Variants in RAP1GAP2 observed in about 807,000 individuals in gnomAD.
RAP1GAP2 encodes RAP1 GTPase activating protein 2.
In RAP1GAP2, 27 loss-of-function variants were observed where a neutral mutation model predicts 95.0. The observed-to-expected ratio is 0.28, with a 90% CI of 0.21 to 0.39. The LOEUF is 0.39. Among genes scored for constraint, RAP1GAP2 ranks in the 10% least tolerant of loss-of-function variants. The pLI, the probability that RAP1GAP2 is intolerant of heterozygous loss-of-function variation, is 1.00. For synonymous variants in RAP1GAP2, 373 were observed against 380.9 expected (o/e 0.98, Z 0.24); for missense variants, 771 against 970.0 (o/e 0.79, Z 2.72).
At chr17:2,811,498 T>G (rs562021554) in intron 2 of RAP1GAP2, among the ~76,000 whole-genome samples, 4 of 152,242 alleles carry the variant, frequency 2.6e-5, no homozygotes, top group Non-Finnish European at 5.9e-5. Context: ...TCTTGGGCAC[T>G]GCAAGAATGC....
At chr17:2,949,068 GGCTGTTTCT>G (rs1480895204) in intron 3 of RAP1GAP2, among the ~76,000 whole-genome samples, 27 of 152,204 alleles carry the variant, frequency 1.8e-4, no homozygotes, top group Non-Finnish European at 4.4e-5. Context: ...AGGAAGACCA[GGCTGTTTCT>G]GTATCGGGAG....
chr17:2,799,476 C>T (rs772549731), intron 1 of RAP1GAP2, among the ~76,000 whole-genome samples: 3 of 152,184 alleles, frequency 2.0e-5, no homozygotes, highest in Non-Finnish European at 4.4e-5. Context: ...GTCCTCTCCT[C>T]TTCCCTGGAG....
At chr17:2,898,078 C>T (rs1452811018) in intron 2 of RAP1GAP2, among the ~76,000 whole-genome samples, 2 of 151,950 alleles carry the variant, frequency 1.3e-5, no homozygotes, top group East Asian at 1.9e-4. Flanking sequence ...GCACCTGGCT[C>T]ATTTTTAAAT....
At chr17:2,928,005 G>T (rs1567788402) in intron 3 of RAP1GAP2, among the ~76,000 whole-genome samples, 1 of 152,148 alleles carries the variant, frequency 6.6e-6, no homozygotes, top group African/African-American at 2.4e-5. Context: ...TAGCACACAC[G>T]CTGCAGCCTA....
At chr17:2,910,482 A>G (rs59050358) in intron 3 of RAP1GAP2, among the ~76,000 whole-genome samples, 5,978 of 152,192 alleles carry the variant, frequency 0.039, 368 homozygotes, top group African/African-American at 0.13. Flanking sequence ...GGGTTCATGA[A>G]TCAGTTCTCT....
At position 2,903,736 on chromosome 17, in the gene RAP1GAP2, G is replaced by C. The variant is rs57879269; in HGVS notation, c.81-1548G>C. On this transcript the variant is annotated intron_variant, in intron 2 of 24. Coordinates refer to ENST00000254695, the MANE Select transcript of RAP1GAP2 (RefSeq NM_015085.5). The surrounding 1 kb of genome is among the most constrained non-coding windows in gnomAD (Gnocchi z 4.1). ...AGGTAGTCCCCAGGCCCCTGATGTGGCTCCCTAGTTGGCCACAGGGAGGGC... is the reference window on the plus strand; with the variant it reads ...AGGTAGTCCCCAGGCCCCTGATGTGCCTCCCTAGTTGGCCACAGGGAGGGC... Among the ~76,000 whole-genome samples the C allele has an allele frequency of 0.016, 2,238 of 141,420 alleles. 51 individuals carry two copies. The highest frequency in any genetic ancestry group is 0.051 in the African/African-American group (2,046 of 39,744). 92.8% of individuals were successfully genotyped at this position (141,420 alleles called of 152,430 possible). A position where few individuals can be genotyped will look rare whatever the true frequency, so the allele number is the denominator to read the frequency against.
At chr17:2,900,088 C>T (rs986686065) in intron 2 of RAP1GAP2, among the ~76,000 whole-genome samples, 3 of 151,976 alleles carry the variant, frequency 2.0e-5, no homozygotes, top group Non-Finnish European at 2.9e-5. Flanking sequence ...TGGCTGGGAG[C>T]GGGTGTGGGG....
chr17:2,884,372 GTTTTT>G (rs72123618), intron 2 of RAP1GAP2, among the ~76,000 whole-genome samples: 1 of 123,738 alleles, frequency 8.1e-6, no homozygotes, highest in Non-Finnish European at 1.7e-5. Context: ...TTCTTGAGTT[GTTTTT>G]TTTTTTTTTT....
chr17:2,954,519 C>T (rs1333051648), intron 3 of RAP1GAP2, among the ~76,000 whole-genome samples: 1 of 152,140 alleles, frequency 6.6e-6, no homozygotes, highest in Admixed American at 6.6e-5. Context: ...TTTTCTATAC[C>T]TCCTCCTGTA....
At chr17:2,962,555 G>A (rs886657712) in intron 4 of RAP1GAP2, 115 bp from the exon 5 acceptor site, 2 of 1,165,556 alleles carry the variant, frequency 1.7e-6, no homozygotes, top group African/African-American at 1.6e-5. Context: ...CCCAGCACGG[G>A]CCAGCTTTTG....
intron 1 of RAP1GAP2, among the ~76,000 whole-genome samples, chr17:2,783,152 G>A (rs539344438): frequency 6.6e-5 from 10 of 152,230 alleles, no homozygotes; most frequent in African/African-American, 2.4e-4. Context: ...ACCCAGACCC[G>A]TTCTTCTGCT....
At chr17:2,952,339 T>C (rs59154459) in intron 3 of RAP1GAP2, among the ~76,000 whole-genome samples, 1,773 of 152,344 alleles carry the variant, frequency 0.012, 33 homozygotes, top group African/African-American at 0.04. Context: ...CTGTGCCTTA[T>C]TTACTTTTCC....
At chr17:2,931,094 C>A (rs2043130606) in intron 3 of RAP1GAP2, among the ~76,000 whole-genome samples, 1 of 137,162 alleles carries the variant, frequency 7.3e-6, no homozygotes, top group African/African-American at 2.7e-5. Context: ...TGCACTCTGG[C>A]CTGGGTGACA....
At chr17:2,916,275 C>T (rs915770891) in intron 3 of RAP1GAP2, among the ~76,000 whole-genome samples, 12 of 152,096 alleles carry the variant, frequency 7.9e-5, no homozygotes, top group Non-Finnish European at 1.5e-5. Flanking sequence ...CCATCCGTGC[C>T]GTCAGTCCAC....
At chr17:2,839,090 G>A (rs1029729774) in intron 2 of RAP1GAP2, among the ~76,000 whole-genome samples, 7 of 152,052 alleles carry the variant, frequency 4.6e-5, no homozygotes, top group African/African-American at 1.7e-4. Flanking sequence ...ATCACTTAAG[G>A]TCAGAAGTTT....
At chr17:2,769,421 G>A (rs186126475) in intron 1 of RAP1GAP2, among the ~76,000 whole-genome samples, 14 of 151,520 alleles carry the variant, frequency 9.2e-5, no homozygotes, top group African/African-American at 3.1e-4. Context: ...CGGGCGTGGC[G>A]GTGGGCGCCT....
At chr17:2,920,915 A>T (rs1328281893) in intron 3 of RAP1GAP2, among the ~76,000 whole-genome samples, 1 of 151,838 alleles carries the variant, frequency 6.6e-6, no homozygotes, top group East Asian at 1.9e-4. Flanking sequence ...TTTACCCGAC[A>T]CTCAAGCCTG....
In RAP1GAP2 at chr17:3,005,856, C is replaced by T; in HGVS notation, c.1273-99C>T. Reference sequence around the variant, plus strand: ...TGTCGGAAGGGACTTTTCAGGGGTTCTCCCCATGGCCCCGGCTCTGCCTGC... The same window carrying T: ...TGTCGGAAGGGACTTTTCAGGGGTTTTCCCCATGGCCCCGGCTCTGCCTGC... On this transcript the variant is annotated intron_variant, in intron 15 of 24. Transcript: ENST00000254695. The surrounding 1 kb of genome is among the most constrained non-coding windows in gnomAD (Gnocchi z 5.2). The T allele has an allele frequency of 8.7e-7, 1 of 1,149,524 alleles. No homozygotes were observed. 71.2% of individuals were successfully genotyped at this position (1,149,524 alleles called of 1,614,324 possible).
chr17:3,036,329 G>A lies in RAP1GAP2; in HGVS notation c.*2968G>A, dbSNP rs2047464851. On this transcript the variant is annotated 3_prime_UTR_variant, in exon 25 of 25. Coordinates refer to ENST00000254695, the MANE Select transcript of RAP1GAP2 (RefSeq NM_015085.5). The stretch of plus-strand genomic sequence containing the variant: ...CACACAGCTGGCTGTTGGCAAAGCT[G>A]GGATTAGAACCCTCAACCCAGGGTC... 2 of 152,228 alleles carry A rather than the reference G, an allele frequency of 1.3e-5. No individual in the cohort carries two copies. The highest frequency in any genetic ancestry group is 2.4e-5 in the African/African-American group (1 of 41,450). 9.4% of individuals were successfully genotyped at this position (152,228 alleles called of 1,614,324 possible).
Sources: allele counts gnomAD v4.1 joint callset (sites outside exome capture counted in the v4.1 genomes callset), GRCh38; gene constraint gnomAD v4.1.1; non-coding constraint Gnocchi (gnomAD v3.1); transcripts MANE v1.5; gene names NCBI Gene and HGNC (gene_info 2026-07-23, HGNC 2026-07-21).